Variants in PDE6B observed in about 807,000 individuals in gnomAD.
The protein encoded by PDE6B is phosphodiesterase 6B, also known as rod cGMP-specific 3',5'-cyclic phosphodiesterase subunit beta.
Under a neutral mutation model 109.0 loss-of-function variants are expected in PDE6B, and 106 were observed. The observed-to-expected ratio is 0.97, with a 90% CI of 0.83 to 1.14. The LOEUF (loss-of-function observed/expected upper bound fraction) is 1.14. Among genes scored for constraint, PDE6B ranks in the 50% most tolerant of loss-of-function variants. PDE6B has a pLI of 0.00. For missense variants in PDE6B, 1,193 were observed against 1,155.6 expected, an observed-to-expected ratio of 1.03 and a Z score of -0.47; for synonymous variants, 490 against 471.3, an observed-to-expected ratio of 1.04 and a Z score of -0.51.
At chr4:658,536 CA>C (rs1341567594) in intron 10 of PDE6B, among the ~76,000 whole-genome samples, 3 of 152,052 alleles carry the variant, frequency 2.0e-5, no homozygotes, top group African/African-American at 4.8e-5. Flanking sequence ...CCAGGTTACC[CA>C]GGGGTCACAG....
chr4:639,639 C>T (rs1016704869), intron 3 of PDE6B, among the ~76,000 whole-genome samples: 1 of 152,178 alleles, frequency 6.6e-6, no homozygotes, highest in Admixed American at 6.5e-5. Flanking sequence ...GGTGACTAAG[C>T]CCTGCTTCTG....
At chr4:646,596 G>A (rs1266970146) in intron 3 of PDE6B, among the ~76,000 whole-genome samples, 1 of 151,952 alleles carries the variant, frequency 6.6e-6, no homozygotes, top group Non-Finnish European at 1.5e-5. Flanking sequence ...CCGCCCACTC[G>A]CACCTTCTGT....
intron 1 of PDE6B, among the ~76,000 whole-genome samples, chr4:627,070 G>A (rs1734143510): frequency 6.6e-6 from 1 of 152,204 alleles, no homozygotes; most frequent in Non-Finnish European, 1.5e-5. Flanking sequence ...TACCCACCAG[G>A]CTGCCAGCCC....
chr4:666,573 C>T lies in PDE6B; in HGVS notation c.2311C>T (p.Gln771Ter). The stretch of plus-strand genomic sequence containing the variant: ...CAAGGCGGCCGAGCTCCCCAAGCTG[C>T]AAGTGGGCTTCATCGACTTCGTGTG... ...RNKAAELPKL[Q>*]VGFIDFVCTF... The change falls in exon 20 of 22, where the codon CAA (glutamine) becomes TAA (stop). Residue 771 changes from glutamine (Q) to a stop codon, truncating the protein, a stop_gained. Transcript: ENST00000496514. LOFTEE classifies it high-confidence loss of function. The surrounding 1 kb of genome is among the most constrained non-coding windows in gnomAD (Gnocchi z 5.6). 6.2e-7 allele frequency: 1 copy of T among 1,613,200 alleles called. No homozygotes were observed. The highest frequency in any genetic ancestry group is 1.3e-5 in the African/African-American group (1 of 75,036).
chr4:670,267 G>A lies in PDE6B; in HGVS notation c.*160G>A, dbSNP rs1738370620. ...TTTTTTTTTTTTTTTTTTTGAGATGGAGTCTTGCTCTGTCACCCAGGCTGG... is the reference window on the plus strand; with the variant it reads ...TTTTTTTTTTTTTTTTTTTGAGATGAAGTCTTGCTCTGTCACCCAGGCTGG... On this transcript the variant is annotated 3_prime_UTR_variant, in exon 22 of 22. Transcript: ENST00000496514. 2 of 1,004,686 alleles carry A rather than the reference G, an allele frequency of 2.0e-6. No homozygotes were observed. Among genetic ancestry groups the A allele is most frequent in the African/African-American group, 1.8e-5 (1 of 56,954 alleles). 62.2% of individuals were successfully genotyped at this position (1,004,686 alleles called of 1,614,324 possible). A position where few individuals can be genotyped will look rare whatever the true frequency, so the allele number is the denominator to read the frequency against.
Position 638,437 on chromosome 4 carries a change from C to A in PDE6B, c.711+2468C>A, listed in dbSNP as rs185119722. 3.3e-3 allele frequency among the ~76,000 whole-genome samples: 499 copies of A among 152,258 alleles called. 3 individuals carry two copies. Among genetic ancestry groups the A allele is most frequent in the African/African-American group, 0.011 (466 of 41,542 alleles). On this transcript the variant is annotated intron_variant, in intron 3 of 21. Coordinates refer to ENST00000496514, the MANE Select transcript of PDE6B (RefSeq NM_000283.4). ...TCCCAGGTTCAAGCGATTCTCCTGC[C>A]TCAGCCTCCAGAGTAGCTGGGATTA...
chr4:634,641 G>A (rs761202688), intron 1 of PDE6B, 36 bp from the exon 2 acceptor site: 40 of 1,590,292 alleles, frequency 2.5e-5, no homozygotes, highest in African/African-American at 2.2e-4. Context: ...CCCACGGTGC[G>A]ACAGCCTCTT....
intron 1 of PDE6B, among the ~76,000 whole-genome samples, chr4:628,653 A>T (rs1734235880): frequency 6.6e-6 from 1 of 152,200 alleles, no homozygotes; most frequent in African/African-American, 2.4e-5. Flanking sequence ...GTGCCAGCCC[A>T]GGGTGAAGGC....
At chr4:645,284 A>T (rs1344390532) in intron 3 of PDE6B, among the ~76,000 whole-genome samples, 3 of 147,142 alleles carry the variant, frequency 2.0e-5, no homozygotes, top group Non-Finnish European at 4.5e-5. Context: ...TATTTAGGCT[A>T]GTCACATTTT....
chr4:634,230 C>A (rs1475786148), intron 1 of PDE6B, among the ~76,000 whole-genome samples: 1 of 152,166 alleles, frequency 6.6e-6, no homozygotes, highest in African/African-American at 2.4e-5. Flanking sequence ...CCACACCCTA[C>A]CAATGGCTGT....
At chr4:653,540 A>T (rs912541336) in intron 3 of PDE6B, 7 of 492,344 alleles carry the variant, frequency 1.4e-5, no homozygotes, top group Non-Finnish European at 2.2e-5. Context: ...GGGCGGAGGA[A>T]GGGCTGGTCG....
chr4:651,061 C>T (rs1297234695), intron 3 of PDE6B, among the ~76,000 whole-genome samples: 9 of 146,476 alleles, frequency 6.1e-5, no homozygotes, highest in East Asian at 2.0e-4. Context: ...CGGGCTGAGG[C>T]GGCGATGTCA....
Position 663,643 on chromosome 4 carries a change from C to T in PDE6B, c.1921-127C>T. 1.4e-6 allele frequency: 1 copy of T among 729,404 alleles called. No individual in the cohort carries two copies. The highest frequency in any genetic ancestry group is 1.5e-5 in the South Asian group (1 of 66,964). The allele number at this position is 729,404 out of a possible 1,614,324, so 45.2% of individuals were successfully genotyped here. On this transcript the variant is annotated intron_variant, in intron 15 of 21. Transcript: ENST00000496514. This position sits in a 1 kb window ranked among gnomAD's most constrained non-coding sequence, Gnocchi z 4.0. The stretch of plus-strand genomic sequence containing the variant: ...CTGAGCAGCAGGCGGATTAGGGGTC[C>T]CGCCCACCGAGGGCCCGAGGGCGGG...
At position 654,106 on chromosome 4, in the gene PDE6B, G is replaced by C. The variant is rs1324874525; in HGVS notation, c.879G>C (p.Leu293=). ...EKEFFDVWSV[L]MGESQPYSGP... ...AATTTTTTGACGTGTGGTCTGTGCT[G>C]ATGGGAGAGTCCCAGCCGTACTCGG... Residue 293 remains leucine (L), a synonymous_variant, in exon 5 of 22, where the codon CTG becomes CTC. Coordinates refer to ENST00000496514, the MANE Select transcript of PDE6B (RefSeq NM_000283.4). 6.2e-7 allele frequency: 1 copy of C among 1,613,862 alleles called. No homozygotes were observed.
At chr4:649,196 C>T (rs1735368109) in intron 3 of PDE6B, among the ~76,000 whole-genome samples, 1 of 152,170 alleles carries the variant, frequency 6.6e-6, no homozygotes, top group African/African-American at 2.4e-5. Context: ...TGTCGCCTTT[C>T]CTTTTAATAC....
At chr4:630,478 G>A (rs1053930191) in intron 1 of PDE6B, among the ~76,000 whole-genome samples, 6 of 152,172 alleles carry the variant, frequency 3.9e-5, no homozygotes, top group African/African-American at 1.2e-4. Context: ...GGATGTTTCC[G>A]CGTGGGACTC....
At chr4:634,881 G>A (rs751842653) in intron 2 of PDE6B, 52 bp downstream of exon 2, 3 of 1,507,780 alleles carry the variant, frequency 2.0e-6, no homozygotes, top group Admixed American at 1.7e-5. Context: ...CTGCCTGCCT[G>A]CCCGCCCGCC....
intron 20 of PDE6B, among the ~76,000 whole-genome samples, chr4:667,278 G>A (rs949112154): frequency 2.0e-5 from 3 of 152,054 alleles, no homozygotes; most frequent in African/African-American, 7.2e-5. Flanking sequence ...AAGTTGTCCC[G>A]GAGTGGGCTG....
In PDE6B at chr4:662,130, C is replaced by A. The variant is rs1273923720; in HGVS notation, c.1615-4C>A. On this transcript the variant is annotated splice_polypyrimidine_tract_variant and splice_region_variant and intron_variant, in intron 12 of 21. Transcript: ENST00000496514. This position sits in a 1 kb window ranked among gnomAD's most constrained non-coding sequence, Gnocchi z 4.3. ...GGAGCCCTGTGTCCTCTCGGCTCCC[C>A]CAGGTCCTGGTGCGGTTCCTGTTCT... 3 of 1,505,100 alleles carry A rather than the reference C, an allele frequency of 2.0e-6. No individual in the cohort carries two copies. The African/African-American group carries it at 4.1e-5, about 21-fold the overall frequency. 93.2% of individuals were successfully genotyped at this position (1,505,100 alleles called of 1,614,324 possible). A position where few individuals can be genotyped will look rare whatever the true frequency, so the allele number is the denominator to read the frequency against.
Sources: allele counts gnomAD v4.1 joint callset (sites outside exome capture counted in the v4.1 genomes callset), GRCh38; gene constraint gnomAD v4.1.1; non-coding constraint Gnocchi (gnomAD v3.1); transcripts MANE v1.5; gene names NCBI Gene and HGNC (gene_info 2026-07-23, HGNC 2026-07-21).